The following RNF111 variants were observed in gnomAD, a reference collection of about 807,000 sequenced individuals.
The protein encoded by RNF111 is E3 ubiquitin-protein ligase Arkadia.
Under a neutral mutation model 95.1 loss-of-function variants are expected in RNF111, and 17 were observed. The observed-to-expected ratio is 0.18, with a 90% confidence interval of 0.12 to 0.27. RNF111 has a LOEUF of 0.27. Among genes scored for constraint, RNF111 ranks in the 10% least tolerant of loss-of-function variants. RNF111 has a pLI of 1.00. For synonymous variants in RNF111, 440 were observed against 414.8 expected (o/e 1.06, Z -0.74); for missense variants, 1,189 against 1,210.4 (o/e 0.98, Z 0.26).
chr15:59,094,619 A>G (rs1372519537), intron 13 of RNF111, among the ~76,000 whole-genome samples, 164 bp from the exon 14 acceptor site: 1 of 152,170 alleles, frequency 6.6e-6, no homozygotes, highest in Non-Finnish European at 1.5e-5. Context: ...GATCATTTAT[A>G]TATTATATTG....
At chr15:59,088,250 C>T (rs192332933) in intron 10 of RNF111, among the ~76,000 whole-genome samples, 49 of 151,988 alleles carry the variant, frequency 3.2e-4, no homozygotes, top group African/African-American at 1.0e-3. Context: ...GGATTGAGTT[C>T]GAATAGGAGA....
chr15:59,015,355 C>G (rs1255383784), intron 1 of RNF111, among the ~76,000 whole-genome samples: 1 of 152,028 alleles, frequency 6.6e-6, no homozygotes, highest in Non-Finnish European at 1.5e-5. Flanking sequence ...TATGAATTCA[C>G]ATATAGTTTT....
chr15:59,060,785 C>CATT (rs3052989), intron 5 of RNF111, among the ~76,000 whole-genome samples: 27,879 of 146,600 alleles, frequency 0.19, 2,831 homozygotes, highest in East Asian at 0.31. Flanking sequence ...CTTTATGTAG[C>CATT]ATTATTATTA....
chr15:59,043,243 C>T (rs1596179280), intron 2 of RNF111, among the ~76,000 whole-genome samples: 1 of 151,954 alleles, frequency 6.6e-6, no homozygotes, highest in African/African-American at 2.4e-5. Context: ...CAGCCTCCGC[C>T]TCCAGGGTTC....
chr15:59,029,637 A>G (rs1486155097), intron 1 of RNF111, among the ~76,000 whole-genome samples: 1 of 152,226 alleles, frequency 6.6e-6, no homozygotes, highest in African/African-American at 2.4e-5. Flanking sequence ...ATACTTGCTT[A>G]CTAAACAGCT....
intron 1 of RNF111, among the ~76,000 whole-genome samples, chr15:59,017,778 A>G (rs1414209241): frequency 2.0e-5 from 2 of 100,078 alleles, no homozygotes; most frequent in African/African-American, 4.5e-5. Flanking sequence ...TTTTTTTGAG[A>G]TGGAGTTTCG....
At chr15:59,079,334 G>A (rs191793594) in intron 7 of RNF111, among the ~76,000 whole-genome samples, 3 of 152,216 alleles carry the variant, frequency 2.0e-5, no homozygotes, top group African/African-American at 7.2e-5. Flanking sequence ...ATGATTAAGA[G>A]CTAGCTACTG....
At chr15:59,004,097 TG>T in intron 1 of RNF111, 1 of 1,079,150 alleles carries the variant, frequency 9.3e-7, no homozygotes, top group South Asian at 1.9e-5. Flanking sequence ...CCCAGACTCT[TG>T]GATTTATTTA....
chr15:59,079,421 T>G (rs2078670643), intron 7 of RNF111, among the ~76,000 whole-genome samples: 1 of 152,210 alleles, frequency 6.6e-6, no homozygotes, highest in Admixed American at 6.5e-5. Flanking sequence ...AAATTTGTCT[T>G]GCAACTTTTA....
intron 1 of RNF111, among the ~76,000 whole-genome samples, chr15:59,002,567 A>AG (rs79798648): frequency 1.4e-3 from 213 of 152,046 alleles, no homozygotes; most frequent in African/African-American, 4.5e-3. Flanking sequence ...AAAAAAAAAA[A>AG]AGAGAGAGAG....
intron 1 of RNF111, among the ~76,000 whole-genome samples, chr15:59,010,263 G>T (rs8037569): frequency 0.35 from 53,305 of 152,000 alleles, 9,715 homozygotes; most frequent in East Asian, 0.46. Flanking sequence ...ATAAACCCAT[G>T]ACATGTAAAT....
At chr15:58,990,246 T>A (rs1413241580) in intron 1 of RNF111, among the ~76,000 whole-genome samples, 7 of 152,184 alleles carry the variant, frequency 4.6e-5, no homozygotes, top group African/African-American at 1.7e-4. Flanking sequence ...ATTTAATGGT[T>A]TGTATATCTA....
In RNF111 at chr15:59,031,452, T is replaced by G. The variant is rs914331508; in HGVS notation, c.630T>G (p.Leu210=). 3 of 1,614,070 alleles carry G rather than the reference T, an allele frequency of 1.9e-6. No individual in the cohort carries two copies. The African/African-American group carries it at 4.0e-5, about 22-fold the overall frequency. Reference sequence around the variant, plus strand: ...TACATGGCAGTTCGTTACGGAGACTTCCATGCAGAAAGAGATTTGTAAAAA... The same window carrying G: ...TACATGGCAGTTCGTTACGGAGACTGCCATGCAGAAAGAGATTTGTAAAAA... ...PCLHGSSLRR[L]PCRKRFVKNN... is the part of the protein sequence containing the mutation. The change falls in exon 2 of 14, where the codon CTT becomes CTG. Residue 210 remains leucine, a synonymous_variant. Transcript: ENST00000348370.
At chr15:59,082,577 C>G (rs1159585442) in intron 8 of RNF111, among the ~76,000 whole-genome samples, 1 of 152,020 alleles carries the variant, frequency 6.6e-6, no homozygotes, top group Admixed American at 6.5e-5. Context: ...TTTTTGTAAA[C>G]AAAATTTTAT....
At chr15:59,051,443 G>A (rs1473444025) in intron 2 of RNF111, among the ~76,000 whole-genome samples, 1 of 136,332 alleles carries the variant, frequency 7.3e-6, no homozygotes, top group Non-Finnish European at 1.5e-5. Context: ...GGGCGATTGA[G>A]CGAGACTCTG....
At chr15:59,081,389 A>C (rs7181728) in intron 8 of RNF111, 105 bp downstream of exon 8, 18,113 of 950,730 alleles carry the variant, frequency 0.019, 220 homozygotes, top group African/African-American at 0.038. Flanking sequence ...ATGCACTTGT[A>C]GTCACAGCTC....
At chr15:59,016,481 A>G (rs2141602964) in intron 1 of RNF111, among the ~76,000 whole-genome samples, 1 of 152,292 alleles carries the variant, frequency 6.6e-6, no homozygotes, top group East Asian at 1.9e-4. Context: ...TTCTTGAAGG[A>G]TGGGAACCTG....
At chr15:59,047,915 C>G (rs1486113425) in intron 2 of RNF111, among the ~76,000 whole-genome samples, 1 of 152,136 alleles carries the variant, frequency 6.6e-6, no homozygotes, top group African/African-American at 2.4e-5. Flanking sequence ...CAATGAGATA[C>G]CACGTATAGC....
intron 2 of RNF111, among the ~76,000 whole-genome samples, chr15:59,051,679 G>C (rs1160253218): frequency 6.6e-6 from 1 of 151,668 alleles, no homozygotes; most frequent in Non-Finnish European, 1.5e-5. Context: ...TGAGGCATGA[G>C]AATCACTTGA....
Sources: allele counts gnomAD v4.1 joint callset (sites outside exome capture counted in the v4.1 genomes callset), GRCh38; gene constraint gnomAD v4.1.1; transcripts MANE v1.5; gene names NCBI Gene and HGNC (gene_info 2026-07-23, HGNC 2026-07-21).